GALNT14: variants seen among roughly 807,000 people sequenced by gnomAD.
The protein encoded by GALNT14 is UDP-GalNAc:polypeptide N-acetylgalactosaminyltransferase 14.
GALNT14 carries 60 observed loss-of-function variants against 77.5 expected under a neutral mutation model. The ratio of observed to expected loss-of-function variants is 0.77; its 90% CI spans 0.63 to 0.96. The LOEUF (loss-of-function observed/expected upper bound fraction) is 0.96. Among genes scored for constraint, GALNT14 ranks in the 40% least tolerant of loss-of-function variants. The probability of loss-of-function intolerance (pLI) is 0.00; values close to 1 mark genes in which losing one functional copy is unlikely to be tolerated. For missense variants in GALNT14, 710 were observed against 731.0 expected (o/e 0.97, Z 0.33); for synonymous variants, 280 against 281.7 (o/e 0.99, Z 0.06).
rs935643457 is a variant in GALNT14, at chr2:31,067,882, G to A, written c.129+70076C>T. ...GTCAGGTAGTCTGGGCATGCACACC[G>A]TTACTCCTCCTGTGACCTACAGTCT... On this transcript the variant is annotated intron_variant, in intron 1 of 14. Transcript: ENST00000349752. Among the ~76,000 whole-genome samples the A allele has an allele frequency of 1.1e-4, 17 of 152,270 alleles. 1 individual carries two copies. The highest frequency in any genetic ancestry group is 3.3e-4 in the Admixed American group (5 of 15,298).
intron 1 of GALNT14, among the ~76,000 whole-genome samples, chr2:31,118,582 T>G (rs1450053589): frequency 6.6e-6 from 1 of 152,126 alleles, no homozygotes; most frequent in African/African-American, 2.4e-5. Context: ...AGTTAAAATG[T>G]GATATAGAAT....
At chr2:31,087,064 G>A (rs11686479) in intron 1 of GALNT14, among the ~76,000 whole-genome samples, 15,449 of 152,148 alleles carry the variant, frequency 0.1, 1,597 homozygotes, top group African/African-American at 0.26. Flanking sequence ...AGGCTTCTCT[G>A]GGATAGTAAC....
intron 3 of GALNT14, among the ~76,000 whole-genome samples, chr2:30,960,205 C>A (rs980157636): frequency 1.3e-5 from 2 of 152,138 alleles, no homozygotes; most frequent in African/African-American, 4.8e-5. Context: ...TGGAATGGGA[C>A]TGTTCACCAT....
At chr2:31,053,100 C>G (rs1160310669) in intron 1 of GALNT14, among the ~76,000 whole-genome samples, 1 of 152,124 alleles carries the variant, frequency 6.6e-6, no homozygotes, top group East Asian at 1.9e-4. Context: ...CCCCAGGCTC[C>G]CAAACAGCTC....
At chr2:31,010,408 G>A (rs932073974) in intron 1 of GALNT14, among the ~76,000 whole-genome samples, 2 of 152,158 alleles carry the variant, frequency 1.3e-5, no homozygotes, top group Non-Finnish European at 2.9e-5. Context: ...GACCATCCTG[G>A]CTAACACGGT....
chr2:31,077,815 C>G (rs1350025161), intron 1 of GALNT14, among the ~76,000 whole-genome samples: 1 of 152,190 alleles, frequency 6.6e-6, no homozygotes, highest in Non-Finnish European at 1.5e-5. Context: ...CACATCACTT[C>G]CCAGTTTCCA....
chr2:30,920,407 G>A (rs1010865225), intron 13 of GALNT14, among the ~76,000 whole-genome samples: 6 of 152,156 alleles, frequency 3.9e-5, no homozygotes, highest in African/African-American at 1.4e-4. Context: ...TTGAGGGGCA[G>A]ATGTGACTCC....
Position 31,138,268 on chromosome 2 carries a change from T to A in GALNT14, c.-182A>T, listed in dbSNP as rs1182551532. 1.4e-5 allele frequency: 10 copies of A among 724,804 alleles called. No individual in the cohort carries two copies. Among genetic ancestry groups the A allele is most frequent in the Non-Finnish European group, 2.0e-5 (9 of 450,388 alleles). 44.9% of individuals were successfully genotyped at this position (724,804 alleles called of 1,614,324 possible). A position where few individuals can be genotyped will look rare whatever the true frequency, so the allele number is the denominator to read the frequency against. On this transcript the variant is annotated 5_prime_UTR_variant, in exon 1 of 15. Coordinates refer to ENST00000349752, the MANE Select transcript of GALNT14 (RefSeq NM_024572.4). ...TTCCCGCTTCGAAGAGAAGCGAGCC[T>A]GGGTGGGGGGTGCAGGGCGACCCGA...
intron 1 of GALNT14, among the ~76,000 whole-genome samples, chr2:31,022,066 CT>C (rs942406526): frequency 6.6e-6 from 1 of 152,188 alleles, no homozygotes; most frequent in Non-Finnish European, 1.5e-5. Context: ...TCCGTCTTCC[CT>C]GTGGTTCTGA....
At chr2:30,993,144 C>T (rs1460658281) in intron 1 of GALNT14, 137 bp from the exon 2 acceptor site, 5 of 804,030 alleles carry the variant, frequency 6.2e-6, no homozygotes, top group Non-Finnish European at 9.9e-6. Flanking sequence ...AGAAGCAGAA[C>T]ATAAACTAAA....
At chr2:31,128,883 C>T (rs781213809) in intron 1 of GALNT14, among the ~76,000 whole-genome samples, 28 of 152,130 alleles carry the variant, frequency 1.8e-4, no homozygotes, top group Non-Finnish European at 3.4e-4. Context: ...GTCCTCCAGA[C>T]CCTCTGGTGG....
chr2:31,006,820 G>A (rs910504164), intron 1 of GALNT14, among the ~76,000 whole-genome samples: 1 of 152,218 alleles, frequency 6.6e-6, no homozygotes, highest in African/African-American at 2.4e-5. Flanking sequence ...ATCCCCAAAG[G>A]TGACATTAGC....
At chr2:30,930,759 G>A (rs1665675304) in intron 10 of GALNT14, among the ~76,000 whole-genome samples, 1 of 152,240 alleles carries the variant, frequency 6.6e-6, no homozygotes, top group Non-Finnish European at 1.5e-5. Context: ...TGCACACACA[G>A]CCTGGTTGGT....
At chr2:30,927,461 C>T (rs973142618) in intron 11 of GALNT14, among the ~76,000 whole-genome samples, 1 of 152,288 alleles carries the variant, frequency 6.6e-6, no homozygotes. Context: ...AGAGGCCCTG[C>T]GCCAGGAGGC....
intron 1 of GALNT14, among the ~76,000 whole-genome samples, chr2:31,055,590 C>T (rs958801050): frequency 1.3e-5 from 2 of 152,182 alleles, no homozygotes; most frequent in Non-Finnish European, 1.5e-5. Context: ...CCAACTAGGG[C>T]ACTGGGTCCT....
intron 1 of GALNT14, among the ~76,000 whole-genome samples, chr2:31,052,444 A>G (rs1430508192): frequency 6.6e-6 from 1 of 152,182 alleles, no homozygotes; most frequent in East Asian, 1.9e-4. Context: ...GGCATTTTCC[A>G]GGGCTGATAC....
intron 9 of GALNT14, among the ~76,000 whole-genome samples, chr2:30,933,072 G>A (rs1479147425): frequency 2.6e-5 from 4 of 152,186 alleles, no homozygotes; most frequent in Non-Finnish European, 5.9e-5. Flanking sequence ...TCTGCCCTGA[G>A]AAGGAAGTGG....
chr2:31,041,979 G>T (rs1383633033), intron 1 of GALNT14, among the ~76,000 whole-genome samples: 1 of 152,118 alleles, frequency 6.6e-6, no homozygotes, highest in Non-Finnish European at 1.5e-5. Flanking sequence ...AGAGGATTTA[G>T]GGAAAAATGA....
intron 1 of GALNT14, among the ~76,000 whole-genome samples, chr2:31,016,207 T>C (rs1411690854): frequency 6.6e-6 from 1 of 152,200 alleles, no homozygotes; most frequent in Non-Finnish European, 1.5e-5. Flanking sequence ...GGCCCGCAGA[T>C]GGCCGTCTTC....
Sources: allele counts gnomAD v4.1 joint callset (sites outside exome capture counted in the v4.1 genomes callset), GRCh38; gene constraint gnomAD v4.1.1; transcripts MANE v1.5; gene names NCBI Gene and HGNC (gene_info 2026-07-23, HGNC 2026-07-21).